The following ZXDC variants were observed in gnomAD, a reference collection of about 807,000 sequenced individuals.
ZXDC encodes zinc finger protein ZXDC.
In ZXDC, 58 loss-of-function variants were observed where a neutral mutation model predicts 63.6. That is an observed-to-expected ratio of 0.91 (90% confidence interval 0.74 to 1.13). The LOEUF is 1.13. Ranked by LOEUF, ZXDC falls within the 50% of genes most tolerant of loss-of-function variation. The pLI is 0.00. For synonymous variants in ZXDC, 561 were observed against 496.1 expected (o/e 1.13, Z -1.74); for missense variants, 1,133 against 1,148.9 (o/e 0.99, Z 0.20).
intron 1 of ZXDC, among the ~76,000 whole-genome samples, chr3:126,473,754 A>G (rs1220488799): frequency 1.3e-5 from 2 of 152,242 alleles, no homozygotes; most frequent in East Asian, 3.8e-4. Context: ...GTTTAAGGAC[A>G]TTATAAGGAG....
In ZXDC at chr3:126,451,052, C is replaced by T. The variant is rs966555073; in HGVS notation, c.2212+8601G>A. 1.5e-5 allele frequency: 12 copies of T among 822,464 alleles called. No individual in the cohort carries two copies. The Admixed American group carries it at 1.9e-4, about 13-fold the overall frequency. 50.9% of individuals were successfully genotyped at this position (822,464 alleles called of 1,614,324 possible). A position where few individuals can be genotyped will look rare whatever the true frequency, so the allele number is the denominator to read the frequency against. ...AAAGGAAAGGGACTCAAGGCCACTC[C>T]TCATCACCACCTGAGTCCCTCAGGC... On this transcript the variant is annotated intron_variant, in intron 7 of 9. Transcript: ENST00000389709.
chr3:126,450,885 TC>T (rs978003275), intron 7 of ZXDC, among the ~76,000 whole-genome samples: 3 of 152,144 alleles, frequency 2.0e-5, no homozygotes, highest in African/African-American at 7.2e-5. Flanking sequence ...AGGGGCCCAC[TC>T]CCTAGGCTGG....
At chr3:126,445,578 C>A (rs1468805188) in intron 7 of ZXDC, among the ~76,000 whole-genome samples, 2 of 151,586 alleles carry the variant, frequency 1.3e-5, no homozygotes, top group African/African-American at 4.9e-5. Flanking sequence ...AGAGTTGCAG[C>A]CTCCCCGTTT....
rs1933509930 is a variant in ZXDC at position 126,437,727 on chromosome 3, C to T, written c.*648G>A. 2 of 152,220 alleles carry T rather than the reference C, an allele frequency of 1.3e-5. No homozygotes were observed. Among genetic ancestry groups the T allele is most frequent in the South Asian group, 2.1e-4 (1 of 4,834 alleles). 9.4% of individuals were successfully genotyped at this position (152,220 alleles called of 1,614,324 possible). ...TTATTTTAAATTTTAACTCTACCAT[C>T]CCCCCGAGCTCTCGGCTATGAATTT... On this transcript the variant is annotated 3_prime_UTR_variant, in exon 10 of 10. Transcript: ENST00000389709.
rs117583029 is a variant in ZXDC at position 126,439,589 on chromosome 3, C to T, written c.2490+43G>A. 4.5e-3 allele frequency: 6,997 copies of T among 1,551,112 alleles called. 253 individuals carry two copies. The Admixed American group carries it at 0.068, about 15-fold the overall frequency. On this transcript the variant is annotated intron_variant, in intron 9 of 9. Transcript: ENST00000389709. The stretch of plus-strand genomic sequence containing the variant: ...AGGCTTCTGGAAGTCGAAGGCTCTG[C>T]GAGTCTCAATAAGAAAAACAAAGGG...
At chr3:126,459,626 G>C (rs746508253) in intron 7 of ZXDC, 27 bp downstream of exon 7, 8 of 1,613,896 alleles carry the variant, frequency 5.0e-6, no homozygotes, top group Non-Finnish European at 6.8e-6. Flanking sequence ...GCCCTTGCTC[G>C]TCCGGCTGCA....
chr3:126,447,098 C>G (rs998497016), intron 7 of ZXDC, among the ~76,000 whole-genome samples: 3 of 152,212 alleles, frequency 2.0e-5, no homozygotes, highest in African/African-American at 7.2e-5. Context: ...CCCTGAGTAC[C>G]CGACTGCCTC....
At chr3:126,453,175 C>T in intron 7 of ZXDC, 1 of 985,338 alleles carries the variant, frequency 1.0e-6, no homozygotes, top group Non-Finnish European at 1.2e-6. Flanking sequence ...TCCTAGAAAA[C>T]TCTGCATTTT....
At chr3:126,438,587 C>T (rs7619423) in intron 9 of ZXDC, 126 bp from the exon 10 acceptor site, 13,371 of 737,224 alleles carry the variant, frequency 0.018, 668 homozygotes, top group South Asian at 0.12. Flanking sequence ...CTCAAAACTA[C>T]AGGCTCCCCT....
In ZXDC at chr3:126,475,198, T is replaced by C. The variant is rs1175252554; in HGVS notation, c.668A>G (p.Tyr223Cys). The C allele has an allele frequency of 1.3e-6, 2 of 1,585,900 alleles. No homozygotes were observed. The highest frequency in any genetic ancestry group is 8.6e-7 in the Non-Finnish European group (1 of 1,165,950). The change falls in exon 1 of 10, where the codon TAC (tyrosine) becomes TGC (cysteine). Residue 223 changes from tyrosine to cysteine, a missense_variant. Transcript: ENST00000389709. ...CGACTGCAGGTGCCGCTTGAGCTTG[T>C]AGGACGTTGTGAAGGCCCAACCACA... is the stretch of plus-strand genomic sequence containing the variant. ...EGCGWAFTTS[Y>C]KLKRHLQSHD...
chr3:126,440,502 AC>A (rs1933635384), intron 8 of ZXDC: 1 of 985,260 alleles, frequency 1.0e-6, no homozygotes, highest in African/African-American at 1.8e-5. Context: ...TTAAAAGTAT[AC>A]CCCCTACTTG....
chr3:126,447,958 G>A (rs1196295390), intron 7 of ZXDC, among the ~76,000 whole-genome samples: 1 of 152,222 alleles, frequency 6.6e-6, no homozygotes, highest in East Asian at 1.9e-4. Context: ...ACAGCTCTGA[G>A]GGCAGCCGGC....
intron 7 of ZXDC, chr3:126,454,314 T>C: frequency 2.0e-6 from 2 of 984,694 alleles, no homozygotes; most frequent in Non-Finnish European, 2.4e-6. Context: ...TGTTTGATAT[T>C]ATACGTTTTC....
intron 4 of ZXDC, among the ~76,000 whole-genome samples, chr3:126,470,373 A>G (rs767811222): frequency 1.6e-4 from 24 of 152,218 alleles, no homozygotes; most frequent in Non-Finnish European, 2.6e-4. Flanking sequence ...AGGCTGAGGC[A>G]TAAGAATCAC....
intron 7 of ZXDC, chr3:126,459,158 T>A (rs932637817): frequency 1.0e-6 from 1 of 985,344 alleles, no homozygotes; most frequent in African/African-American, 1.7e-5. Context: ...CCAGCTCTTG[T>A]TTGGTCTTTA....
At chr3:126,471,888 T>C (rs1214329966) in intron 3 of ZXDC, 85 bp downstream of exon 3, 4 of 1,170,746 alleles carry the variant, frequency 3.4e-6, no homozygotes, top group Non-Finnish European at 1.2e-6. Context: ...AAAAAATGTC[T>C]ACAGATATTT....
intron 7 of ZXDC, among the ~76,000 whole-genome samples, chr3:126,450,958 A>G (rs1331508416): frequency 6.6e-6 from 1 of 152,188 alleles, no homozygotes; most frequent in African/African-American, 2.4e-5. Flanking sequence ...ACAGTGCTCC[A>G]GCCACAGGGA....
rs1188789670 is a variant in ZXDC, at chr3:126,475,537, T to TG, written c.328dup (p.Gln110ProfsTer145). ...GGGGGCGGCCGGGCCGCTGGGGCCC[T>TG]GCTCGGGGCGGCTCGCCAGGTTGAC... On this transcript the variant is annotated frameshift_variant, in exon 1 of 10. Transcript: ENST00000389709. LOFTEE classifies it high-confidence loss of function. 7.6e-7 allele frequency: 1 copy of TG among 1,318,544 alleles called. No homozygotes were observed. The highest frequency in any genetic ancestry group is 9.7e-7 in the Non-Finnish European group (1 of 1,035,986). The allele number at this position is 1,318,544 out of a possible 1,614,324, so 81.7% of individuals were successfully genotyped here. A position where few individuals can be genotyped will look rare whatever the true frequency, so the allele number is the denominator to read the frequency against.
At chr3:126,444,516 A>G (rs919235477) in intron 7 of ZXDC, among the ~76,000 whole-genome samples, 6 of 151,684 alleles carry the variant, frequency 4.0e-5, no homozygotes, top group African/African-American at 1.5e-4. Flanking sequence ...TGGGTGACAG[A>G]GCGAGACTCC....
Sources: allele counts gnomAD v4.1 joint callset (sites outside exome capture counted in the v4.1 genomes callset), GRCh38; gene constraint gnomAD v4.1.1; transcripts MANE v1.5; gene names NCBI Gene and HGNC (gene_info 2026-07-23, HGNC 2026-07-21).